The following DCDC1 variants were observed in gnomAD, a reference collection of about 807,000 sequenced individuals.
The protein encoded by DCDC1 is doublecortin domain-containing protein 1.
In DCDC1, 200 loss-of-function variants were observed where a neutral mutation model predicts 178.3. The observed-to-expected ratio is 1.12, with a 90% CI of 1.00 to 1.26. DCDC1 has a LOEUF of 1.26. DCDC1 is among the 50% of genes most tolerant of loss of function. DCDC1 has a pLI of 0.00. For synonymous variants in DCDC1, 690 were observed against 604.8 expected (o/e 1.14, Z -2.07); for missense variants, 1,983 against 1,749.2 (o/e 1.13, Z -2.38).
chr11:31,159,507 A>T (rs1029653764), intron 9 of DCDC1, among the ~76,000 whole-genome samples: 1 of 152,066 alleles, frequency 6.6e-6, no homozygotes, highest in Non-Finnish European at 1.5e-5. Context: ...TCCCATCTCC[A>T]TTTTCTAATG....
intron 18 of DCDC1, among the ~76,000 whole-genome samples, chr11:31,075,922 C>A (rs562924719): frequency 1.3e-5 from 2 of 152,136 alleles, no homozygotes; most frequent in Non-Finnish European, 2.9e-5. Flanking sequence ...TGCAATGGTG[C>A]GATCTTGACT....
intron 20 of DCDC1, among the ~76,000 whole-genome samples, chr11:31,030,346 C>T (rs950847628): frequency 6.6e-6 from 1 of 151,608 alleles, no homozygotes; most frequent in African/African-American, 2.4e-5. Context: ...GGCCCTTTCA[C>T]ATATGCATTA....
intron 7 of DCDC1, among the ~76,000 whole-genome samples, chr11:31,277,809 C>T (rs1946103432): frequency 6.6e-6 from 1 of 151,944 alleles, no homozygotes; most frequent in Non-Finnish European, 1.5e-5. Context: ...TATTCTCAAC[C>T]AAAGTTTTTT....
At chr11:31,143,086 A>G (rs2136039951) in intron 9 of DCDC1, among the ~76,000 whole-genome samples, 1 of 152,318 alleles carries the variant, frequency 6.6e-6, no homozygotes, top group East Asian at 1.9e-4. Context: ...GAGACAATTA[A>G]AAAACAATAG....
intron 6 of DCDC1, among the ~76,000 whole-genome samples, chr11:31,304,595 A>G (rs1948332624): frequency 6.6e-6 from 1 of 152,152 alleles, no homozygotes; most frequent in East Asian, 1.9e-4. Flanking sequence ...AGTATTATAT[A>G]AAAGAGAAAT....
At chr11:31,103,129 G>A (rs567919144) in intron 14 of DCDC1, among the ~76,000 whole-genome samples, 1 of 152,288 alleles carries the variant, frequency 6.6e-6, no homozygotes, top group African/African-American at 2.4e-5. Flanking sequence ...ATTATTTGCA[G>A]ATAAGAAACC....
chr11:31,184,311 G>A (rs192376794), intron 9 of DCDC1, among the ~76,000 whole-genome samples: 56 of 152,198 alleles, frequency 3.7e-4, no homozygotes, highest in Middle Eastern at 3.4e-3. Flanking sequence ...AGACTTAAAC[G>A]TAAGACCTAA....
chr11:31,261,446 C>T (rs1046010065), intron 8 of DCDC1, among the ~76,000 whole-genome samples: 1 of 152,102 alleles, frequency 6.6e-6, no homozygotes, highest in Admixed American at 6.6e-5. Context: ...TTGGGTTCCA[C>T]ATCCCTGGAC....
chr11:31,276,955 ATT>A (rs1565536442), intron 7 of DCDC1, among the ~76,000 whole-genome samples: 1 of 152,150 alleles, frequency 6.6e-6, no homozygotes, highest in Admixed American at 6.5e-5. Context: ...TCATATTATT[ATT>A]TTTGTTTTTA....
chr11:31,348,290 GAA>G (rs1407116746), intron 1 of DCDC1, among the ~76,000 whole-genome samples: 1 of 152,136 alleles, frequency 6.6e-6, no homozygotes, highest in African/African-American at 2.4e-5. Flanking sequence ...ACACAGCAGA[GAA>G]AAGCATGCAT....
In DCDC1 at chr11:31,135,025, A is replaced by T. The variant is rs191867538; in HGVS notation, c.1314+2667T>A. Among the ~76,000 whole-genome samples the T allele has an allele frequency of 3.0e-4, 45 of 152,288 alleles. No homozygotes were observed. The East Asian group carries it at 3.7e-3, about 12-fold the overall frequency. On this transcript the variant is annotated intron_variant, in intron 10 of 38. Coordinates refer to ENST00000684477, the MANE Select transcript of DCDC1 (RefSeq NM_001387274.1). The stretch of plus-strand genomic sequence containing the variant: ...ATAAAAAAATTTTTAAAAAAATTTT[A>T]AAAAAGCTTAACATATATCATCACC...
At position 30,906,536 on chromosome 11, in the gene DCDC1, A is replaced by G. The variant is rs763144519; in HGVS notation, c.4104+4T>C. 1.1e-5 allele frequency: 17 copies of G among 1,611,596 alleles called. 1 individual carries two copies. In the South Asian group the frequency reaches 1.5e-4, roughly 15 times the overall value. On this transcript the variant is annotated splice_donor_region_variant and intron_variant, in intron 30 of 38. Coordinates refer to ENST00000684477, the MANE Select transcript of DCDC1 (RefSeq NM_001387274.1). Reference sequence around the variant, plus strand: ...GCATTAGCAGAGCTCAGATCATTACATACCTCAGCCACACTGATGACCTTG... The same window carrying G: ...GCATTAGCAGAGCTCAGATCATTACGTACCTCAGCCACACTGATGACCTTG...
intron 13 of DCDC1, among the ~76,000 whole-genome samples, chr11:31,105,759 CA>C (rs1958805865): frequency 6.6e-6 from 1 of 152,090 alleles, no homozygotes; most frequent in East Asian, 1.9e-4. Flanking sequence ...CAACATCTTC[CA>C]AAACCTTGAT....
chr11:30,903,878 C>T, intron 31 of DCDC1, 195 bp from the exon 32 acceptor site: 1 of 410,526 alleles, frequency 2.4e-6, no homozygotes, highest in Non-Finnish European at 4.1e-6. Context: ...AATTTCACAA[C>T]AGTAGTCCAA....
intron 8 of DCDC1, among the ~76,000 whole-genome samples, chr11:31,247,880 T>A (rs780567488): frequency 3.8e-4 from 58 of 152,132 alleles, no homozygotes; most frequent in Non-Finnish European, 6.9e-4. Context: ...CTCAATTTCT[T>A]GGACTTCTAA....
intron 2 of DCDC1, 50 bp from the exon 3 acceptor site, chr11:31,328,336 G>C: frequency 6.7e-7 from 1 of 1,484,614 alleles, no homozygotes; most frequent in South Asian, 1.4e-5. Flanking sequence ...AATCCTACTA[G>C]ATTACAAATA....
chr11:31,175,752 C>A (rs1380097026), intron 9 of DCDC1, among the ~76,000 whole-genome samples: 1 of 152,198 alleles, frequency 6.6e-6, no homozygotes. Flanking sequence ...ACTGCCATTA[C>A]AAACTCTCAC....
intron 9 of DCDC1, among the ~76,000 whole-genome samples, chr11:31,202,648 A>C (rs1203235529): frequency 6.6e-6 from 1 of 152,200 alleles, no homozygotes; most frequent in Non-Finnish European, 1.5e-5. Context: ...AGTAAGATAA[A>C]ATCAAAAAAG....
At chr11:31,191,758 C>G (rs1970159711) in intron 9 of DCDC1, among the ~76,000 whole-genome samples, 2 of 151,990 alleles carry the variant, frequency 1.3e-5, no homozygotes, top group Non-Finnish European at 2.9e-5. Flanking sequence ...AGGCTTTGCT[C>G]CAGTCTAGTA....
Sources: allele counts gnomAD v4.1 joint callset (sites outside exome capture counted in the v4.1 genomes callset), GRCh38; gene constraint gnomAD v4.1.1; transcripts MANE v1.5; gene names NCBI Gene and HGNC (gene_info 2026-07-23, HGNC 2026-07-21).